GABRB2: variants seen among roughly 807,000 people sequenced by gnomAD.
The protein encoded by GABRB2 is gamma-aminobutyric acid receptor subunit beta-2.
GABRB2 carries 16 observed loss-of-function variants against 54.7 expected under a neutral mutation model. That is an observed-to-expected ratio of 0.29 (90% CI 0.20 to 0.44). GABRB2 has a LOEUF of 0.44. GABRB2 is among the 20% of genes least tolerant of loss of function. GABRB2 has a pLI of 1.00. For synonymous variants in GABRB2, 244 were observed against 233.8 expected (o/e 1.04, Z -0.40); for missense variants, 355 against 644.0 (o/e 0.55, Z 4.86).
chr5:161,503,924 T>C (rs922623402), intron 3 of GABRB2, among the ~76,000 whole-genome samples: 6 of 151,942 alleles, frequency 3.9e-5, no homozygotes, highest in Non-Finnish European at 7.4e-5. Context: ...AACTGACAAA[T>C]TAGACTTCTA....
At chr5:161,433,652 A>T (rs916646172) in intron 4 of GABRB2, among the ~76,000 whole-genome samples, 19 of 151,896 alleles carry the variant, frequency 1.3e-4, no homozygotes, top group African/African-American at 3.6e-4. Context: ...AATATAAAAC[A>T]GAATTATGCT....
chr5:161,360,867 T>C (rs1754788511), intron 5 of GABRB2, among the ~76,000 whole-genome samples: 1 of 150,512 alleles, frequency 6.6e-6, no homozygotes, highest in African/African-American at 2.5e-5. Flanking sequence ...TACAAAACAC[T>C]ATGGGAAATG....
In GABRB2 at chr5:161,292,724, G is replaced by A. The variant is rs1189997123; in HGVS notation, c.*1357C>T. 6.6e-6 allele frequency: 1 copy of A among 152,100 alleles called. No individual in the cohort carries two copies. Among genetic ancestry groups the A allele is most frequent in the African/African-American group, 2.4e-5 (1 of 41,416 alleles). 9.4% of individuals were successfully genotyped at this position (152,100 alleles called of 1,614,324 possible). On this transcript the variant is annotated 3_prime_UTR_variant, in exon 10 of 10. Coordinates refer to ENST00000393959, the MANE Select transcript of GABRB2 (RefSeq NM_001371727.1). ...ATGAAAGCACTCTTAAGAAAATCAAGCCCCAAACCAATGAATGCACAAATT... is the reference window on the plus strand; with the variant it reads ...ATGAAAGCACTCTTAAGAAAATCAAACCCCAAACCAATGAATGCACAAATT...
chr5:161,326,551 G>A (rs1758369660), intron 8 of GABRB2, 70 bp from the exon 9 acceptor site: 10 of 1,512,972 alleles, frequency 6.6e-6, no homozygotes, highest in Non-Finnish European at 8.9e-6. Context: ...GATGGTTAAA[G>A]TAAATTGGAT....
chr5:161,499,160 T>G (rs892339752), intron 3 of GABRB2, among the ~76,000 whole-genome samples: 2 of 152,120 alleles, frequency 1.3e-5, no homozygotes, highest in African/African-American at 4.8e-5. Context: ...CTCATTCCTT[T>G]GACTCTGCCG....
intron 9 of GABRB2, among the ~76,000 whole-genome samples, chr5:161,310,798 T>C (rs1278392942): frequency 1.3e-5 from 2 of 150,542 alleles, no homozygotes; most frequent in East Asian, 3.9e-4. Context: ...AGTCTCGCTC[T>C]GTCGCCCAGG....
chr5:161,341,198 G>C (rs1226460007), intron 5 of GABRB2, among the ~76,000 whole-genome samples: 2 of 151,880 alleles, frequency 1.3e-5, no homozygotes, highest in Non-Finnish European at 2.9e-5. Context: ...ATATTCTCTG[G>C]AGGAATATTT....
chr5:161,427,255 G>A (rs554094643), intron 4 of GABRB2, among the ~76,000 whole-genome samples: 2 of 152,286 alleles, frequency 1.3e-5, no homozygotes, highest in East Asian at 3.9e-4. Context: ...GCTTTAGGGA[G>A]TGATGATCAG....
intron 9 of GABRB2, among the ~76,000 whole-genome samples, chr5:161,304,480 G>A (rs928501153): frequency 1.3e-5 from 2 of 152,122 alleles, no homozygotes; most frequent in African/African-American, 4.8e-5. Flanking sequence ...CACTGTGTAG[G>A]CCTTGCTGTG....
Position 161,371,721 on chromosome 5 carries a change from G to T in GABRB2, c.542-34952C>A, listed in dbSNP as rs13356453. On this transcript the variant is annotated intron_variant, in intron 5 of 9. Transcript: ENST00000393959. ...CTATATGGCTCATAAAAATGTTGGGGTTTTTTTTTATTGTTTTTGAGACAG... is the reference window on the plus strand; with the variant it reads ...CTATATGGCTCATAAAAATGTTGGGTTTTTTTTTTATTGTTTTTGAGACAG... 7.5e-3 allele frequency among the ~76,000 whole-genome samples: 1,133 copies of T among 151,032 alleles called. 19 individuals carry two copies. Among genetic ancestry groups the T allele is most frequent in the African/African-American group, 0.023 (938 of 41,184 alleles).
At chr5:161,329,936 G>A (rs554519629) in intron 8 of GABRB2, 1 of 152,302 alleles carries the variant, frequency 6.6e-6, no homozygotes, top group East Asian at 1.9e-4. Context: ...AATATTGAGA[G>A]TAAAGAGAGC....
intron 3 of GABRB2, among the ~76,000 whole-genome samples, chr5:161,514,593 GTA>G (rs1491513040): frequency 7.2e-5 from 11 of 152,058 alleles, no homozygotes; most frequent in African/African-American, 2.7e-4. Flanking sequence ...GTGTGTGTGT[GTA>G]TGTGTGTGTA....
At chr5:161,339,862 T>C (rs1382515177) in intron 5 of GABRB2, among the ~76,000 whole-genome samples, 1 of 152,028 alleles carries the variant, frequency 6.6e-6, no homozygotes, top group Non-Finnish European at 1.5e-5. Flanking sequence ...ATGCCATATC[T>C]ATGTGACTGA....
chr5:161,517,942 G>A (rs1024862184), intron 3 of GABRB2, among the ~76,000 whole-genome samples: 11 of 151,874 alleles, frequency 7.2e-5, no homozygotes, highest in Admixed American at 2.6e-4. Flanking sequence ...GACTACAGGC[G>A]CCCGCCACCA....
intron 5 of GABRB2, among the ~76,000 whole-genome samples, chr5:161,390,255 T>C (rs1755779892): frequency 6.6e-6 from 1 of 152,004 alleles, no homozygotes; most frequent in Non-Finnish European, 1.5e-5. Flanking sequence ...AATAAGTAAA[T>C]TAAATATTTG....
At chr5:161,456,895 T>C (rs1757969773) in intron 4 of GABRB2, among the ~76,000 whole-genome samples, 1 of 152,200 alleles carries the variant, frequency 6.6e-6, no homozygotes, top group Non-Finnish European at 1.5e-5. Context: ...CAAAGTATTG[T>C]AGAATCAACT....
intron 3 of GABRB2, among the ~76,000 whole-genome samples, chr5:161,471,638 C>A (rs1306780491): frequency 1.3e-5 from 2 of 151,966 alleles, no homozygotes; most frequent in South Asian, 2.1e-4. Flanking sequence ...TATCATAGAC[C>A]TACCTTCTAG....
At chr5:161,364,949 C>T (rs1449919384) in intron 5 of GABRB2, among the ~76,000 whole-genome samples, 1 of 152,076 alleles carries the variant, frequency 6.6e-6, no homozygotes, top group Non-Finnish European at 1.5e-5. Context: ...TAAAATATTT[C>T]TCCCACCAAA....
chr5:161,543,061 C>A (rs1760868318), intron 3 of GABRB2, among the ~76,000 whole-genome samples: 1 of 152,198 alleles, frequency 6.6e-6, no homozygotes, highest in East Asian at 1.9e-4. Context: ...CTGGACAAAT[C>A]CATGGGTGTA....
Sources: allele counts gnomAD v4.1 joint callset (sites outside exome capture counted in the v4.1 genomes callset), GRCh38; gene constraint gnomAD v4.1.1; transcripts MANE v1.5; gene names NCBI Gene and HGNC (gene_info 2026-07-23, HGNC 2026-07-21).